LINGO2: variants seen among roughly 807,000 people sequenced by gnomAD.
LINGO2 encodes leucine rich repeat and Ig domain containing 2.
A neutral mutation model predicts 30.6 loss-of-function variants in LINGO2; 14 were observed. The ratio of observed to expected loss-of-function variants is 0.46; its 90% CI spans 0.30 to 0.72. LINGO2 has a LOEUF of 0.72. Ranked by LOEUF, LINGO2 falls within the 30% of genes least tolerant of loss-of-function variation. The probability of loss-of-function intolerance (pLI) is 0.07; values close to 1 mark genes in which losing one functional copy is unlikely to be tolerated. For synonymous variants in LINGO2, 317 were observed against 288.5 expected (o/e 1.10, Z -1.00); for missense variants, 729 against 751.7 (o/e 0.97, Z 0.35).
At chr9:28,746,966 T>C in the LINGO2 span, among the ~76,000 whole-genome samples, 1 of 152,072 alleles carries the variant, frequency 6.6e-6, no homozygotes, top group Non-Finnish European at 1.5e-5. Context: ...CACTTAGTGA[T>C]ACGGACAGGA....
chr9:28,831,392 C>A, the LINGO2 span, among the ~76,000 whole-genome samples: 1 of 152,066 alleles, frequency 6.6e-6, no homozygotes, highest in Non-Finnish European at 1.5e-5. Context: ...CACACCCATG[C>A]AAGGACACAA....
chr9:28,687,749 A>AT, the LINGO2 span, among the ~76,000 whole-genome samples: 27 of 151,688 alleles, frequency 1.8e-4, no homozygotes, highest in East Asian at 1.4e-3. Flanking sequence ...AATTATGGTG[A>AT]TTTTTTTTTG....
intron 4 of LINGO2, among the ~76,000 whole-genome samples, chr9:28,035,089 A>G (rs1055350057): frequency 6.6e-6 from 1 of 152,240 alleles, no homozygotes; most frequent in Non-Finnish European, 1.5e-5. Flanking sequence ...TTTCTAAAAA[A>G]CCAAAAATTA....
intron 4 of LINGO2, among the ~76,000 whole-genome samples, chr9:28,293,046 A>G (rs555903777): frequency 1.3e-5 from 2 of 152,036 alleles, no homozygotes; most frequent in Non-Finnish European, 2.9e-5. Flanking sequence ...TGCTGGGATT[A>G]CAGCCTTGAG....
At chr9:28,908,156 TAC>T in the LINGO2 span, among the ~76,000 whole-genome samples, 111,301 of 150,272 alleles carry the variant, frequency 0.74, 41,248 homozygotes, top group Non-Finnish European at 0.78. Context: ...CACACACACA[TAC>T]ACACACACAC....
chr9:29,007,473 G>T, the LINGO2 span, among the ~76,000 whole-genome samples: 1 of 152,204 alleles, frequency 6.6e-6, no homozygotes, highest in South Asian at 2.1e-4. Context: ...TATAGCAGAT[G>T]TTGGCAGTGC....
chr9:28,552,623 C>T (rs1312870001), intron 1 of LINGO2, among the ~76,000 whole-genome samples: 2 of 151,308 alleles, frequency 1.3e-5, no homozygotes, highest in Non-Finnish European at 2.9e-5. Flanking sequence ...ATATGTCTTT[C>T]CATTCTGGGA....
chr9:28,744,535 G>T, the LINGO2 span, among the ~76,000 whole-genome samples: 1 of 151,262 alleles, frequency 6.6e-6, no homozygotes, highest in Non-Finnish European at 1.5e-5. Context: ...TTAGTGACTT[G>T]GCAGAATTAA....
chr9:28,013,196 G>T (rs1822647381), intron 4 of LINGO2, among the ~76,000 whole-genome samples: 2 of 152,120 alleles, frequency 1.3e-5, no homozygotes, highest in African/African-American at 4.8e-5. Context: ...TTGGCACATA[G>T]AATTCCCTAT....
At chr9:28,191,836 C>T (rs1819833325) in intron 4 of LINGO2, among the ~76,000 whole-genome samples, 1 of 152,100 alleles carries the variant, frequency 6.6e-6, no homozygotes, top group Non-Finnish European at 1.5e-5. Context: ...TCTTCTGATT[C>T]ACCAGCTACT....
the LINGO2 span, among the ~76,000 whole-genome samples, chr9:28,746,873 C>A: frequency 3.2e-4 from 49 of 151,998 alleles, no homozygotes; most frequent in African/African-American, 1.2e-3. Context: ...ACCTGCCTTA[C>A]TTTACGCCTT....
chr9:28,294,175 G>A (rs1020321797), intron 4 of LINGO2, among the ~76,000 whole-genome samples: 2 of 152,110 alleles, frequency 1.3e-5, no homozygotes, highest in African/African-American at 4.8e-5. Flanking sequence ...TTAAAAGATT[G>A]TTTTCAAACA....
chr9:29,174,822 GC>G, the LINGO2 span, among the ~76,000 whole-genome samples: 1 of 152,260 alleles, frequency 6.6e-6, no homozygotes, highest in South Asian at 2.1e-4. Flanking sequence ...GAAGAACCTG[GC>G]TAAAAGGCAA....
intron 2 of LINGO2, among the ~76,000 whole-genome samples, chr9:28,397,934 C>A (rs76417050): frequency 6.6e-6 from 1 of 152,220 alleles, no homozygotes; most frequent in East Asian, 1.9e-4. Context: ...ATCTTTGTAC[C>A]TCTCTTTATT....
the LINGO2 span, among the ~76,000 whole-genome samples, chr9:29,025,914 A>G: frequency 3.9e-5 from 6 of 152,100 alleles, no homozygotes; most frequent in African/African-American, 1.2e-4. Flanking sequence ...TGCCTGGCTT[A>G]TTTCAATTAA....
At chr9:28,742,710 T>C in the LINGO2 span, among the ~76,000 whole-genome samples, 2 of 152,006 alleles carry the variant, frequency 1.3e-5, no homozygotes, top group Non-Finnish European at 2.9e-5. Flanking sequence ...TAGATATTTA[T>C]ATGTTAGTTA....
intron 1 of LINGO2, among the ~76,000 whole-genome samples, chr9:28,612,973 T>G (rs1392839583): frequency 6.6e-6 from 1 of 152,116 alleles, no homozygotes; most frequent in Non-Finnish European, 1.5e-5. Context: ...GTTTCCCCTA[T>G]GCTGTTCTCA....
intron 5 of LINGO2, among the ~76,000 whole-genome samples, chr9:27,952,215 A>G (rs1819348896): frequency 6.6e-6 from 1 of 152,064 alleles, no homozygotes; most frequent in African/African-American, 2.4e-5. Flanking sequence ...CCATTTAGAA[A>G]ATACTATTGT....
the LINGO2 span, among the ~76,000 whole-genome samples, chr9:28,800,333 A>G: frequency 6.6e-6 from 1 of 152,214 alleles, no homozygotes; most frequent in Non-Finnish European, 1.5e-5. Context: ...ACCAGAAATC[A>G]CCATATTTTG....
Sources: allele counts gnomAD v4.1 joint callset (sites outside exome capture counted in the v4.1 genomes callset), GRCh38; gene constraint gnomAD v4.1.1; transcripts MANE v1.5; gene names NCBI Gene and HGNC (gene_info 2026-07-23, HGNC 2026-07-21).